DRGX: variants seen among roughly 807,000 people sequenced by gnomAD.
The protein encoded by DRGX is dorsal root ganglia homeobox protein.
Under a neutral mutation model 28.6 loss-of-function variants are expected in DRGX, and 21 were observed. The ratio of observed to expected loss-of-function variants is 0.73; its 90% confidence interval spans 0.52 to 1.06. DRGX has a LOEUF of 1.06. Among genes scored for constraint, DRGX ranks in the 50% least tolerant of loss-of-function variants. DRGX has a pLI of 0.00. For synonymous variants in DRGX, 136 were observed against 139.1 expected, an observed-to-expected ratio of 0.98 and a Z score of 0.16; for missense variants, 354 against 343.9, an observed-to-expected ratio of 1.03 and a Z score of -0.23.
rs769321668 is a variant in DRGX, at chr10:49,390,139, T to C, written c.228A>G (p.Arg76=). Residue 76 remains arginine, a synonymous_variant, in exon 4 of 7, where the codon AGA becomes AGG. Coordinates refer to ENST00000374139, the MANE Select transcript of DRGX (RefSeq NM_001276451.2). ...LAMKINLTEA[R]VQVWFQNRRA... ...AATTAAAAAGAAGGTTTACCTGCACTCTGGCTTCTGTGAGGTTTATTTTCA... is the reference window on the plus strand; with the variant it reads ...AATTAAAAAGAAGGTTTACCTGCACCCTGGCTTCTGTGAGGTTTATTTTCA... The C allele has an allele frequency of 6.2e-7, 1 of 1,610,238 alleles. No individual in the cohort carries two copies. The highest frequency in any genetic ancestry group is 8.5e-7 in the Non-Finnish European group (1 of 1,178,404).
chr10:49,366,123 C>T lies in DRGX; in HGVS notation c.785G>A (p.Ser262Asn), dbSNP rs774206760. Reference sequence around the variant, plus strand: ...GCGGGGCACTGTGGACCCTCATACACTCTTCTCTGCCTCGCTCTGTTCCTT... The same window carrying T: ...GCGGGGCACTGTGGACCCTCATACATTCTTCTCTGCCTCGCTCTGTTCCTT... ...PTKEQSEAEKSV is the reference protein window; with the variant it reads ...PTKEQSEAEKNV Residue 262 changes from serine (S) to asparagine (N), a missense_variant, in exon 7 of 7, where the codon AGT becomes AAT. Coordinates refer to ENST00000374139, the MANE Select transcript of DRGX (RefSeq NM_001276451.2). 3.2e-6 allele frequency: 5 copies of T among 1,584,400 alleles called. No individual in the cohort carries two copies. Among genetic ancestry groups the T allele is most frequent in the Admixed American group, 3.4e-5 (2 of 58,538 alleles).
intron 4 of DRGX, among the ~76,000 whole-genome samples, 155 bp from the exon 5 acceptor site, chr10:49,387,013 A>G (rs1033968003): frequency 2.0e-5 from 3 of 152,242 alleles, no homozygotes; most frequent in Non-Finnish European, 2.9e-5. Flanking sequence ...GAGGGGTCAG[A>G]AGATCCGCTT....
At chr10:49,394,441 T>C (rs1849943576) in intron 2 of DRGX, among the ~76,000 whole-genome samples, 1 of 152,106 alleles carries the variant, frequency 6.6e-6, no homozygotes, top group South Asian at 2.1e-4. Flanking sequence ...CCCACCACAA[T>C]AATAAATCAA....
At chr10:49,367,778 C>T (rs1485477260) in intron 6 of DRGX, among the ~76,000 whole-genome samples, 2 of 152,242 alleles carry the variant, frequency 1.3e-5, no homozygotes, top group Admixed American at 1.3e-4. Flanking sequence ...CAGTCCTGGA[C>T]ATGTCCTCAG....
At chr10:49,387,999 G>C (rs191952896) in intron 4 of DRGX, among the ~76,000 whole-genome samples, 1 of 152,102 alleles carries the variant, frequency 6.6e-6, no homozygotes, top group Non-Finnish European at 1.5e-5. Flanking sequence ...GCAAAACACC[G>C]AGCACAGGGC....
intron 2 of DRGX, among the ~76,000 whole-genome samples, chr10:49,393,675 A>T (rs1849934765): frequency 6.6e-6 from 1 of 152,268 alleles, no homozygotes; most frequent in Admixed American, 6.5e-5. Context: ...TCACCCAGCA[A>T]CACTAAACTA....
intron 2 of DRGX, 61 bp downstream of exon 2, chr10:49,395,346 C>T: frequency 1.3e-6 from 2 of 1,544,246 alleles, no homozygotes; most frequent in South Asian, 1.2e-5. Flanking sequence ...CCTGCTGCCG[C>T]TCCGGCCCTT....
intron 6 of DRGX, among the ~76,000 whole-genome samples, chr10:49,383,888 C>T (rs1849803912): frequency 6.6e-6 from 1 of 152,264 alleles, no homozygotes; most frequent in African/African-American, 2.4e-5. Context: ...CAGCATAGGG[C>T]ACTGTGTTAT....
intron 4 of DRGX, among the ~76,000 whole-genome samples, chr10:49,389,230 C>T (rs1849872451): frequency 6.6e-6 from 1 of 152,046 alleles, no homozygotes; most frequent in Non-Finnish European, 1.5e-5. Flanking sequence ...TGTTTACAAC[C>T]CCCAATTTAC....
At position 49,393,142 on chromosome 10, in the gene DRGX, C is replaced by A. The variant is rs34514600; in HGVS notation, c.35-1881G>T. Among the ~76,000 whole-genome samples, 1,290 of 151,830 alleles carry A rather than the reference C, an allele frequency of 8.5e-3. 9 individuals carry two copies. Among genetic ancestry groups the A allele is most frequent in the Non-Finnish European group, 0.012 (796 of 67,882 alleles). On this transcript the variant is annotated intron_variant, in intron 2 of 6. Transcript: ENST00000374139. ...GTAGTTGAAAAAAAATGAAAACAAC[C>A]AAAATGCCCATCAGCAGATGCTTTC... is the stretch of plus-strand genomic sequence containing the variant.
At position 49,368,292 on chromosome 10, in the gene DRGX, G is replaced by T. The variant is rs144318719; in HGVS notation, c.527-1911C>A. Among the ~76,000 whole-genome samples the T allele has an allele frequency of 2.3e-3, 351 of 152,330 alleles. 2 individuals carry two copies. Among genetic ancestry groups the T allele is most frequent in the African/African-American group, 7.6e-3 (316 of 41,570 alleles). On this transcript the variant is annotated intron_variant, in intron 6 of 6. Transcript: ENST00000374139. ...CTGTATTGTAATGGGAGGTTTAAAT[G>T]CAGCTTCACCTCCTACCTCAAGTTT... is the stretch of plus-strand genomic sequence containing the variant.
At chr10:49,366,431 T>C (rs1219116299) in intron 6 of DRGX, 50 bp from the exon 7 acceptor site, 1 of 1,543,410 alleles carries the variant, frequency 6.5e-7, no homozygotes, top group Non-Finnish European at 8.8e-7. Context: ...TTTCTGCCTC[T>C]CAGGGCTGGG....
At position 49,366,159 on chromosome 10, in the gene DRGX, G is replaced by C. The variant is rs370954422; in HGVS notation, c.749C>G (p.Thr250Ser). 39 of 1,611,096 alleles carry C rather than the reference G, an allele frequency of 2.4e-5. No individual in the cohort carries two copies. Among genetic ancestry groups the C allele is most frequent in the Non-Finnish European group, 3.2e-5 (38 of 1,178,354 alleles). The change falls in exon 7 of 7, where the codon ACC becomes AGC. Residue 250 changes from threonine (T) to serine (S), a missense_variant. Transcript: ENST00000374139. The part of the protein sequence containing the change: ...PAPPDGSQEK[T>S]SPTKEQSEAE... ...CTCGCTCTGTTCCTTGGTGGGAGAG[G>C]TCTTTTCCTGGCTGCCATCTGGGGG...
intron 2 of DRGX, 114 bp downstream of exon 2, chr10:49,395,293 C>G: frequency 1.5e-6 from 2 of 1,321,960 alleles, no homozygotes; most frequent in East Asian, 5.0e-5. Context: ...CACCGGCAGG[C>G]GGCTGCGCCC....
intron 2 of DRGX, among the ~76,000 whole-genome samples, chr10:49,394,263 T>G (rs1288086650): frequency 1.3e-5 from 2 of 152,178 alleles, no homozygotes; most frequent in African/African-American, 4.8e-5. Context: ...ATTGGACTCT[T>G]AAGAGCTTTT....
At chr10:49,382,677 C>A (rs1849789584) in intron 6 of DRGX, among the ~76,000 whole-genome samples, 1 of 152,182 alleles carries the variant, frequency 6.6e-6, no homozygotes, top group Non-Finnish European at 1.5e-5. Flanking sequence ...ACACATGTTC[C>A]ACCCTCACCC....
chr10:49,383,269 A>T (rs1180707105), intron 6 of DRGX, among the ~76,000 whole-genome samples: 1 of 152,250 alleles, frequency 6.6e-6, no homozygotes, highest in Admixed American at 6.5e-5. Context: ...GTTGCCTGGT[A>T]GAGCACAGGA....
At chr10:49,385,939 G>A (rs920974960) in intron 6 of DRGX, among the ~76,000 whole-genome samples, 1 of 152,068 alleles carries the variant, frequency 6.6e-6, no homozygotes, top group Admixed American at 6.5e-5. Flanking sequence ...ATCCACAGAG[G>A]CTCCTCTCTC....
At chr10:49,387,662 C>CA (rs11309652) in intron 4 of DRGX, among the ~76,000 whole-genome samples, 11,311 of 119,198 alleles carry the variant, frequency 0.095, 495 homozygotes, top group Middle Eastern at 0.21. Flanking sequence ...GACTCCATCA[C>CA]AAAAAAAAAA....
Sources: gnomAD v4.1 joint callset for allele counts (sites outside exome capture counted in the v4.1 genomes callset) on GRCh38, gnomAD v4.1.1 for gene constraint, MANE v1.5 for transcripts, NCBI Gene and HGNC (gene_info 2026-07-23, HGNC 2026-07-21) for gene names.